Variants in TSHR observed in about 807,000 individuals in gnomAD.
TSHR encodes the protein thyroid stimulating hormone receptor.
A neutral mutation model predicts 64.1 loss-of-function variants in TSHR; 51 were observed. That is an observed-to-expected ratio of 0.80 (90% CI 0.64 to 1.01). TSHR has a LOEUF of 1.01. Among genes scored for constraint, TSHR ranks in the 50% least tolerant of loss-of-function variants. The pLI is 0.00. For synonymous variants in TSHR, 361 were observed against 361.9 expected (o/e 1.00, Z 0.03); for missense variants, 877 against 942.8 (o/e 0.93, Z 0.91).
At chr14:81,054,650 G>A (rs569164570) in intron 1 of TSHR, among the ~76,000 whole-genome samples, 1 of 152,276 alleles carries the variant, frequency 6.6e-6, no homozygotes, top group South Asian at 2.1e-4. Flanking sequence ...CTCTTGTTAT[G>A]TTTTAGCAAA....
chr14:81,006,723 C>T (rs1889624269), intron 1 of TSHR, among the ~76,000 whole-genome samples: 1 of 151,992 alleles, frequency 6.6e-6, no homozygotes, highest in Non-Finnish European at 1.5e-5. Flanking sequence ...CCATGTTGCC[C>T]AGGATGGTCT....
rs188804328 is a variant in TSHR, at chr14:81,023,917, C to A, written c.171-38231C>A. Among the ~76,000 whole-genome samples, 1,010 of 152,196 alleles carry A rather than the reference C, an allele frequency of 6.6e-3. 12 individuals carry two copies. The highest frequency in any genetic ancestry group is 9.1e-3 in the Non-Finnish European group (621 of 67,990). ...CATGGCATTTTTTTGCAGAACAGGG[C>A]ACCTTTATTTGCATTAAAAACCTAT... On this transcript the variant is annotated intron_variant, in intron 1 of 9. Transcript: ENST00000298171.
chr14:81,033,302 C>G, intron 1 of TSHR: 1 of 418,492 alleles, frequency 2.4e-6, no homozygotes, highest in Admixed American at 2.8e-5. Context: ...TTGTACAGCT[C>G]CAAGAGTGAA....
Position 80,955,850 on chromosome 14 carries a change from T to G in TSHR, c.170T>G (p.Leu57Arg). 6.2e-7 allele frequency: 1 copy of G among 1,614,150 alleles called. No homozygotes were observed. The highest frequency in any genetic ancestry group is 2.2e-5 in the East Asian group (1 of 44,874). ...AGCTTACCGCCCAGTACGCAGACTC[T>G]GTGAGTACCCGGGAGAGATCAGGGT... ...IPSLPPSTQT[L>R]KLIETHLRTI... The change falls in exon 1 of 10, where the codon CTG becomes CGG. Residue 57 changes from leucine to arginine, a missense_variant and splice_region_variant. Leu to Arg is a moderately radical substitution (Grantham distance 102). Transcript: ENST00000298171.
At chr14:81,041,740 T>A in intron 1 of TSHR, among the ~76,000 whole-genome samples, 1 of 152,140 alleles carries the variant, frequency 6.6e-6, no homozygotes, top group Non-Finnish European at 1.5e-5. Flanking sequence ...TATTGTATTT[T>A]TTGTGCCTTT....
intron 1 of TSHR, chr14:81,032,897 T>C (rs1884422081): frequency 2.8e-6 from 1 of 358,240 alleles, no homozygotes; most frequent in South Asian, 2.8e-5. Flanking sequence ...TAGAAAGGCC[T>C]GGACGAAAGA....
chr14:80,965,062 G>A (rs1887229359), intron 1 of TSHR, among the ~76,000 whole-genome samples: 1 of 152,226 alleles, frequency 6.6e-6, no homozygotes, highest in South Asian at 2.1e-4. Flanking sequence ...GTGAGCAAAG[G>A]CAGCCCCTGA....
intron 1 of TSHR, among the ~76,000 whole-genome samples, chr14:80,965,324 G>A (rs992014802): frequency 1.3e-5 from 2 of 152,276 alleles, no homozygotes; most frequent in East Asian, 1.9e-4. Flanking sequence ...AGCCTCCAGT[G>A]GTATAGTGAG....
At position 81,141,436 on chromosome 14, in the gene TSHR, T is replaced by C. The variant is rs377289252; in HGVS notation, c.882-1504T>C. 4.6e-5 allele frequency among the ~76,000 whole-genome samples: 7 copies of C among 152,360 alleles called. No homozygotes were observed. The East Asian group carries it at 9.6e-4, about 21-fold the overall frequency. ...TAAAGAATCCCTTTTGTTGTGAGTCTGGTGAGCAAGGAAAAAACTAAATCT... is the reference window on the plus strand; with the variant it reads ...TAAAGAATCCCTTTTGTTGTGAGTCCGGTGAGCAAGGAAAAAACTAAATCT... On this transcript the variant is annotated intron_variant, in intron 9 of 9. Transcript: ENST00000298171.
chr14:81,077,241 C>A (rs1166399407), intron 3 of TSHR, among the ~76,000 whole-genome samples: 1 of 152,178 alleles, frequency 6.6e-6, no homozygotes, highest in African/African-American at 2.4e-5. Context: ...AGGCAGGATG[C>A]TTTGTGTGCC....
At chr14:81,055,064 G>A (rs1885685997) in intron 1 of TSHR, among the ~76,000 whole-genome samples, 1 of 152,030 alleles carries the variant, frequency 6.6e-6, no homozygotes, top group Non-Finnish European at 1.5e-5. Context: ...TGGTGGGCTG[G>A]GCCTAGGTTC....
intron 8 of TSHR, among the ~76,000 whole-genome samples, chr14:81,116,548 AC>A (rs1287376892): frequency 9.9e-5 from 14 of 141,272 alleles, no homozygotes; most frequent in Admixed American, 9.7e-4. Context: ...TGAGTGACCT[AC>A]AAAGAGACTT....
intron 8 of TSHR, among the ~76,000 whole-genome samples, chr14:81,118,928 A>C (rs1890657353): frequency 6.8e-6 from 1 of 148,118 alleles, no homozygotes. Context: ...GCAATGGGGA[A>C]AGGATTCCCT....
At chr14:81,120,434 G>C (rs1298178862) in intron 8 of TSHR, among the ~76,000 whole-genome samples, 1 of 152,114 alleles carries the variant, frequency 6.6e-6, no homozygotes, top group East Asian at 1.9e-4. Flanking sequence ...GTTTTGTTTT[G>C]ATGCCATTAT....
chr14:81,129,807 C>T (rs1426040385), intron 8 of TSHR, among the ~76,000 whole-genome samples: 1 of 152,214 alleles, frequency 6.6e-6, no homozygotes, highest in East Asian at 1.9e-4. Flanking sequence ...TTAAGGCTGG[C>T]CCCTTCACCG....
Position 81,004,489 on chromosome 14 carries a change from C to T in TSHR, c.170+48639C>T, listed in dbSNP as rs1282588328. 2.6e-5 allele frequency among the ~76,000 whole-genome samples: 4 copies of T among 152,220 alleles called. No homozygotes were observed. In the East Asian group the frequency reaches 5.8e-4, roughly 22 times the overall value. ...CTTAATGCTCCATGTATTTTCACAC[C>T]TCCATTGACACTGCACATACTATTC... On this transcript the variant is annotated intron_variant, in intron 1 of 9. Coordinates refer to ENST00000298171, the MANE Select transcript of TSHR (RefSeq NM_000369.5).
At chr14:81,140,220 G>GACACC (rs1274587530) in intron 9 of TSHR, among the ~76,000 whole-genome samples, 1 of 152,166 alleles carries the variant, frequency 6.6e-6, no homozygotes, top group Non-Finnish European at 1.5e-5. Flanking sequence ...TTAGACCCCA[G>GACACC]ACACCACAAC....
chr14:81,127,733 C>T (rs1891075030), intron 8 of TSHR, among the ~76,000 whole-genome samples: 1 of 152,150 alleles, frequency 6.6e-6, no homozygotes, highest in Admixed American at 6.5e-5. Flanking sequence ...CCCTCTCTTG[C>T]CTGCCGCCAT....
intron 4 of TSHR, among the ~76,000 whole-genome samples, chr14:81,088,572 T>C (rs145609037): frequency 1.8e-4 from 28 of 152,344 alleles, no homozygotes; most frequent in African/African-American, 6.0e-4. Context: ...ACATTTTTTT[T>C]CTCTGTTGAA....
Sources: allele counts gnomAD v4.1 joint callset (sites outside exome capture counted in the v4.1 genomes callset), GRCh38; gene constraint gnomAD v4.1.1; transcripts MANE v1.5; gene names NCBI Gene and HGNC (gene_info 2026-07-23, HGNC 2026-07-21).